TXLNB: variants seen among roughly 807,000 people sequenced by gnomAD.
TXLNB encodes the protein taxilin beta.
In TXLNB, 37 loss-of-function variants were observed where a neutral mutation model predicts 57.4. That is an observed-to-expected ratio of 0.64 (90% confidence interval 0.50 to 0.85). TXLNB has a LOEUF of 0.85. Among genes scored for constraint, TXLNB ranks in the 40% least tolerant of loss-of-function variants. The pLI is 0.00. For synonymous variants in TXLNB, 302 were observed against 309.6 expected, an observed-to-expected ratio of 0.98 and a Z score of 0.26; for missense variants, 848 against 825.6, an observed-to-expected ratio of 1.03 and a Z score of -0.33.
chr6:139,200,079 G>A, the TXLNB span: 2 of 152,098 alleles, frequency 1.3e-5, no homozygotes, highest in Non-Finnish European at 2.9e-5. Context: ...GCCCATTCCT[G>A]GAAGATATGG....
chr6:139,162,445 TAA>T, the TXLNB span, among the ~76,000 whole-genome samples: 3 of 152,182 alleles, frequency 2.0e-5, no homozygotes, highest in Non-Finnish European at 4.4e-5. Flanking sequence ...AAAGAGAAGT[TAA>T]GTAAGTTGTC....
At chr6:139,214,182 G>T in the TXLNB span, among the ~76,000 whole-genome samples, 1,130 of 152,188 alleles carry the variant, frequency 7.4e-3, 13 homozygotes, top group African/African-American at 0.026. Flanking sequence ...CAAAAAAAGA[G>T]AATTTTAGAC....
At chr6:139,268,063 T>C (rs565847691) in intron 4 of TXLNB, among the ~76,000 whole-genome samples, 102 of 150,814 alleles carry the variant, frequency 6.8e-4, no homozygotes, top group African/African-American at 2.4e-3. Flanking sequence ...AGGCAGAGAA[T>C]TGCTTGAACC....
the TXLNB span, chr6:139,166,149 C>G: frequency 5.5e-6 from 4 of 722,358 alleles, no homozygotes; most frequent in African/African-American, 7.1e-5. Flanking sequence ...AGTGATTCAT[C>G]TTTAAAGGAA....
chr6:139,293,934 T>A (rs954819401), upstream of TXLNB, among the ~76,000 whole-genome samples: 1 of 152,236 alleles, frequency 6.6e-6, no homozygotes, highest in African/African-American at 2.4e-5. Flanking sequence ...TGTAGCAAAC[T>A]GACCCGATCA....
At chr6:139,232,398 G>A in the TXLNB span, among the ~76,000 whole-genome samples, 1 of 152,126 alleles carries the variant, frequency 6.6e-6, no homozygotes, top group Non-Finnish European at 1.5e-5. Flanking sequence ...AGATTTGGGT[G>A]GGGACACAGA....
intron 8 of TXLNB, among the ~76,000 whole-genome samples, chr6:139,246,500 A>G (rs903022578): frequency 6.6e-6 from 1 of 152,238 alleles, no homozygotes; most frequent in Non-Finnish European, 1.5e-5. Context: ...ACATTAAATT[A>G]TAATACTGGC....
At chr6:139,314,499 C>T in the TXLNB span, among the ~76,000 whole-genome samples, 1 of 152,206 alleles carries the variant, frequency 6.6e-6, no homozygotes, top group African/African-American at 2.4e-5. Flanking sequence ...CCAATGTCTA[C>T]CTTACATGCA....
At chr6:139,248,943 T>C (rs1246174265) in intron 7 of TXLNB, among the ~76,000 whole-genome samples, 1 of 152,278 alleles carries the variant, frequency 6.6e-6, no homozygotes, top group Non-Finnish European at 1.5e-5. Context: ...TTTGTATGTT[T>C]ATGAATATAG....
At position 139,283,696 on chromosome 6, in the gene TXLNB, A is replaced by T. The variant is rs778881361; in HGVS notation, c.424+4780T>A. 2.7e-5 allele frequency among the ~76,000 whole-genome samples: 4 copies of T among 146,028 alleles called. 1 individual carries two copies. The highest frequency in any genetic ancestry group is 4.6e-5 in the Non-Finnish European group (3 of 65,566). ...TTGTGTATACAGTAAAGGTCAGAGA[A>T]TTCTGGCAGTAAAGAAACTGTTTAA... On this transcript the variant is annotated intron_variant, in intron 2 of 9. Coordinates refer to ENST00000358430, the MANE Select transcript of TXLNB (RefSeq NM_153235.4).
At chr6:139,213,088 G>T in the TXLNB span, among the ~76,000 whole-genome samples, 1 of 152,102 alleles carries the variant, frequency 6.6e-6, no homozygotes, top group Non-Finnish European at 1.5e-5. Flanking sequence ...AGTTAACAAG[G>T]ATATCCAGGA....
intron 4 of TXLNB, among the ~76,000 whole-genome samples, chr6:139,263,096 T>C (rs1014198353): frequency 1.3e-5 from 2 of 152,222 alleles, no homozygotes; most frequent in Non-Finnish European, 2.9e-5. Context: ...TTTTGATCTC[T>C]TGGCTGTGGC....
chr6:139,180,198 T>TAA, the TXLNB span: 2 of 152,198 alleles, frequency 1.3e-5, no homozygotes, highest in Non-Finnish European at 2.9e-5. Flanking sequence ...ATTTTCTGAG[T>TAA]AAAAGGTATT....
the TXLNB span, among the ~76,000 whole-genome samples, chr6:139,224,984 T>C: frequency 6.6e-4 from 101 of 152,274 alleles, no homozygotes; most frequent in African/African-American, 2.4e-3. Flanking sequence ...AAAAGAATAT[T>C]ACTTCTTTAC....
At chr6:139,236,559 T>C (rs1775838851), downstream of TXLNB, among the ~76,000 whole-genome samples, 1 of 152,170 alleles carries the variant, frequency 6.6e-6, no homozygotes, top group Non-Finnish European at 1.5e-5. Context: ...GGCACCTGCT[T>C]CTCCTTTGCC....
the TXLNB span, chr6:139,177,944 C>T: frequency 6.6e-6 from 1 of 152,178 alleles, no homozygotes; most frequent in Non-Finnish European, 1.5e-5. The surrounding 1 kb of genome is among the most constrained non-coding windows in gnomAD (Gnocchi z 4.9). Context: ...AGGTTCTTCT[C>T]ACAGGTAAAT....
At chr6:139,193,868 G>A in the TXLNB span, among the ~76,000 whole-genome samples, 1 of 123,752 alleles carries the variant, frequency 8.1e-6, no homozygotes, top group African/African-American at 3.1e-5. Flanking sequence ...TTGAGACGGA[G>A]TCTCGCTCTG....
intron 2 of TXLNB, among the ~76,000 whole-genome samples, chr6:139,283,362 A>AGG (rs1452964923): frequency 7.0e-6 from 1 of 143,818 alleles, no homozygotes; most frequent in Non-Finnish European, 1.5e-5. Flanking sequence ...GGATCACCTG[A>AGG]GGTCGGGAGT....
At chr6:139,228,426 T>C in the TXLNB span, among the ~76,000 whole-genome samples, 8 of 149,352 alleles carry the variant, frequency 5.4e-5, no homozygotes, top group African/African-American at 1.7e-4. Context: ...CTTGGGAGGC[T>C]GAGGCAGGAG....
Sources: allele counts gnomAD v4.1 joint callset (sites outside exome capture counted in the v4.1 genomes callset), GRCh38; gene constraint gnomAD v4.1.1; non-coding constraint Gnocchi (gnomAD v3.1); transcripts MANE v1.5; gene names NCBI Gene and HGNC (gene_info 2026-07-23, HGNC 2026-07-21).